Variants in MRPL1 observed in about 807,000 individuals in gnomAD.
The protein encoded by MRPL1 is large ribosomal subunit protein uL1m.
Under a neutral mutation model 38.0 loss-of-function variants are expected in MRPL1, and 28 were observed. The observed-to-expected ratio is 0.74, with a 90% CI of 0.55 to 1.01. The LOEUF is 1.01. Among genes scored for constraint, MRPL1 ranks in the 50% least tolerant of loss-of-function variants. The pLI is 0.00. For missense variants in MRPL1, 358 were observed against 389.8 expected (o/e 0.92, Z 0.69); for synonymous variants, 123 against 126.7 (o/e 0.97, Z 0.20).
At chr4:77,906,954 C>T in intron 6 of MRPL1, 1 of 984,856 alleles carries the variant, frequency 1.0e-6, no homozygotes, top group Non-Finnish European at 1.2e-6. Context: ...AGATTTTAAA[C>T]TGCCTATGGG....
intron 2 of MRPL1, among the ~76,000 whole-genome samples, chr4:77,879,344 T>C (rs1246258660): frequency 6.6e-6 from 1 of 152,216 alleles, no homozygotes; most frequent in Non-Finnish European, 1.5e-5. Context: ...AGTATTATAA[T>C]GTTGTTATAC....
At chr4:77,939,492 C>G (rs1253769422) in intron 7 of MRPL1, among the ~76,000 whole-genome samples, 4 of 152,130 alleles carry the variant, frequency 2.6e-5, no homozygotes, top group South Asian at 4.1e-4. Context: ...TTTGGGTTGT[C>G]TGTTTACTCT....
intron 7 of MRPL1, among the ~76,000 whole-genome samples, chr4:77,947,941 T>A (rs1028753025): frequency 6.6e-6 from 1 of 152,228 alleles, no homozygotes; most frequent in South Asian, 2.1e-4. Context: ...GTGGTTTTTT[T>A]AAACTTAAAT....
intron 7 of MRPL1, among the ~76,000 whole-genome samples, chr4:77,943,688 ATTTCT>A (rs1737187125): frequency 6.6e-6 from 1 of 151,938 alleles, no homozygotes; most frequent in Non-Finnish European, 1.5e-5. Context: ...TGCATTTTGC[ATTTCT>A]TTTAAGTGTG....
At chr4:77,889,137 G>C (rs1433732721) in intron 5 of MRPL1, among the ~76,000 whole-genome samples, 1 of 152,134 alleles carries the variant, frequency 6.6e-6, no homozygotes, top group Non-Finnish European at 1.5e-5. Context: ...AGACCTAATA[G>C]ACATCTACAG....
At chr4:77,951,987 G>T (rs1006521048) in intron 8 of MRPL1, among the ~76,000 whole-genome samples, 1 of 152,234 alleles carries the variant, frequency 6.6e-6, no homozygotes, top group African/African-American at 2.4e-5. Flanking sequence ...CAAAGTATAT[G>T]ATAATCATAC....
chr4:77,904,106 G>A (rs113707177), intron 6 of MRPL1, among the ~76,000 whole-genome samples: 10,558 of 151,638 alleles, frequency 0.07, 618 homozygotes, highest in African/African-American at 0.16. Flanking sequence ...AATCTACTGG[G>A]TGTGGTGGCA....
intron 7 of MRPL1, among the ~76,000 whole-genome samples, chr4:77,918,053 C>CAAA (rs774178945): frequency 1.2e-5 from 1 of 82,340 alleles, no homozygotes; most frequent in Non-Finnish European, 2.7e-5. Flanking sequence ...GACTTCATCT[C>CAAA]AAAAAAAAAA....
At chr4:77,890,494 A>G (rs1240893420) in intron 5 of MRPL1, among the ~76,000 whole-genome samples, 1 of 152,224 alleles carries the variant, frequency 6.6e-6, no homozygotes, top group Admixed American at 6.5e-5. Flanking sequence ...TCTCAAAACA[A>G]TAAGAGCTAT....
At position 77,899,310 on chromosome 4, in the gene MRPL1, T is replaced by C. The variant is rs140771157; in HGVS notation, c.670+5060T>C. On this transcript the variant is annotated intron_variant, in intron 6 of 8. Coordinates refer to ENST00000315567, the MANE Select transcript of MRPL1 (RefSeq NM_020236.4). ...GCATGTGCAACCATGCCTGGCCATT[T>C]ATGCTCAGATTTCTTTAAACAAACA... is the stretch of plus-strand genomic sequence containing the variant. 9.7e-4 allele frequency among the ~76,000 whole-genome samples: 147 copies of C among 152,142 alleles called. 3 individuals carry two copies. In the East Asian group the frequency reaches 0.022, roughly 23 times the overall value.
chr4:77,943,716 G>A (rs765724585), intron 7 of MRPL1, among the ~76,000 whole-genome samples: 6 of 151,986 alleles, frequency 3.9e-5, no homozygotes, highest in South Asian at 4.1e-4. Flanking sequence ...CTTCATTTCC[G>A]GAAGTTTTGA....
chr4:77,877,429 G>A (rs182132895), intron 2 of MRPL1, among the ~76,000 whole-genome samples: 82 of 150,436 alleles, frequency 5.5e-4, no homozygotes, highest in African/African-American at 2.0e-3. Flanking sequence ...GGGCTGGGTT[G>A]CTGGAGGGTT....
intron 4 of MRPL1, among the ~76,000 whole-genome samples, chr4:77,886,846 G>A (rs1430725904): frequency 1.4e-5 from 2 of 142,840 alleles, no homozygotes; most frequent in African/African-American, 2.7e-5. Flanking sequence ...AGGCTGGAGT[G>A]CAGTGGTGTG....
chr4:77,900,531 A>G (rs1230843392), intron 6 of MRPL1, among the ~76,000 whole-genome samples: 1 of 152,190 alleles, frequency 6.6e-6, no homozygotes, highest in Admixed American at 6.5e-5. Flanking sequence ...CAGGCAGAGG[A>G]AATGGCCATT....
At chr4:77,910,388 T>C (rs550964914) in intron 7 of MRPL1, among the ~76,000 whole-genome samples, 152 of 152,318 alleles carry the variant, frequency 1.0e-3, no homozygotes, top group Non-Finnish European at 1.9e-3. Flanking sequence ...TCCAAGCTCA[T>C]TGAGCTGTGC....
chr4:77,898,965 C>A (rs1735976839), intron 6 of MRPL1, among the ~76,000 whole-genome samples: 1 of 147,650 alleles, frequency 6.8e-6, no homozygotes, highest in Non-Finnish European at 1.5e-5. Flanking sequence ...ACTAGTTTAA[C>A]TTTTTACAGT....
chr4:77,947,461 G>T lies in MRPL1; in HGVS notation c.778-2336G>T, dbSNP rs367741013. 2.2e-4 allele frequency among the ~76,000 whole-genome samples: 33 copies of T among 152,236 alleles called. No individual in the cohort carries two copies. In the East Asian group the frequency reaches 6.4e-3, roughly 29 times the overall value. On this transcript the variant is annotated intron_variant, in intron 7 of 8. Transcript: ENST00000315567. Reference sequence around the variant, plus strand: ...TTCAAGATCAACCCTGTCCCTGTTTGTTTTTCCCTTGCTGTACCAAATCAT... The same window carrying T: ...TTCAAGATCAACCCTGTCCCTGTTTTTTTTTCCCTTGCTGTACCAAATCAT...
At chr4:77,880,071 T>G (rs145141950) in intron 2 of MRPL1, among the ~76,000 whole-genome samples, 184 of 152,340 alleles carry the variant, frequency 1.2e-3, no homozygotes, top group African/African-American at 3.2e-3. Flanking sequence ...CATATTCATT[T>G]TCTTCCATAA....
At chr4:77,889,323 A>G (rs1252553228) in intron 5 of MRPL1, among the ~76,000 whole-genome samples, 1 of 152,238 alleles carries the variant, frequency 6.6e-6, no homozygotes, top group Non-Finnish European at 1.5e-5. Flanking sequence ...CAGGATTAAG[A>G]CACTCACTCA....
Sources: gnomAD v4.1 joint callset for allele counts (sites outside exome capture counted in the v4.1 genomes callset) on GRCh38, gnomAD v4.1.1 for gene constraint, MANE v1.5 for transcripts, NCBI Gene and HGNC (gene_info 2026-07-23, HGNC 2026-07-21) for gene names.